The following MARCHF3 variants were observed in gnomAD, a reference collection of about 807,000 sequenced individuals.
MARCHF3 encodes the protein membrane associated ring-CH-type finger 3.
Under a neutral mutation model 24.2 loss-of-function variants are expected in MARCHF3, and 13 were observed. That is an observed-to-expected ratio of 0.54 (90% confidence interval 0.35 to 0.85). The LOEUF (loss-of-function observed/expected upper bound fraction) is 0.85. MARCHF3 is among the 40% of genes least tolerant of loss of function. The probability of loss-of-function intolerance (pLI) is 0.01; values close to 1 mark genes in which losing one functional copy is unlikely to be tolerated. For synonymous variants in MARCHF3, 144 were observed against 137.3 expected (o/e 1.05, Z -0.34); for missense variants, 276 against 325.0 (o/e 0.85, Z 1.16).
chr5:126,898,283 A>G (rs1561783808), intron 3 of MARCHF3, among the ~76,000 whole-genome samples: 1 of 152,110 alleles, frequency 6.6e-6, no homozygotes. Flanking sequence ...AAAAATCTGA[A>G]GTATCCTATA....
At chr5:126,921,234 G>A (rs563460527) in intron 1 of MARCHF3, among the ~76,000 whole-genome samples, 20 of 152,234 alleles carry the variant, frequency 1.3e-4, no homozygotes, top group Admixed American at 2.6e-4. Context: ...TTGAATTAAT[G>A]GGCTAAGAGG....
At chr5:127,004,139 A>G (rs1027607104) in intron 1 of MARCHF3, among the ~76,000 whole-genome samples, 1 of 152,228 alleles carries the variant, frequency 6.6e-6, no homozygotes, top group African/African-American at 2.4e-5. Context: ...ATTCCAAAGG[A>G]GAGCCCGTCT....
chr5:127,019,874 A>G (rs1290953141), intron 1 of MARCHF3, among the ~76,000 whole-genome samples: 1 of 152,230 alleles, frequency 6.6e-6, no homozygotes, highest in Non-Finnish European at 1.5e-5. Flanking sequence ...TCCATTTGGA[A>G]GTATCACTAA....
intron 1 of MARCHF3, among the ~76,000 whole-genome samples, chr5:126,922,844 C>T (rs1749167696): frequency 6.6e-6 from 1 of 152,170 alleles, no homozygotes; most frequent in Admixed American, 6.5e-5. Context: ...CTGCGCCCAG[C>T]CTCATTTCTG....
rs776095062 is a variant in MARCHF3 at position 126,878,242 on chromosome 5, G to A, written c.546C>T (p.Ala182=). The change falls in exon 4 of 5, where the codon GCC becomes GCT. Residue 182 remains alanine, a synonymous_variant. Coordinates refer to ENST00000308660, the MANE Select transcript of MARCHF3 (RefSeq NM_178450.5). ...CGACAGTGAGTGCAATCAGTCCGAC[G>A]GCTTCCAGCCGACTACTAAAGTGCA... The part of the protein sequence containing the change: ...DHLHFSSRLE[A]VGLIALTVAL... 5 of 1,614,252 alleles carry A rather than the reference G, an allele frequency of 3.1e-6. No homozygotes were observed. Among genetic ancestry groups the A allele is most frequent in the African/African-American group, 1.3e-5 (1 of 75,066 alleles).
intron 4 of MARCHF3, among the ~76,000 whole-genome samples, chr5:126,875,802 C>T (rs1753130203): frequency 6.6e-6 from 1 of 152,230 alleles, no homozygotes; most frequent in Admixed American, 6.5e-5. Flanking sequence ...CTGCTAGGTG[C>T]TTGCATGTAT....
chr5:126,989,583 A>G (rs540951048), intron 1 of MARCHF3, among the ~76,000 whole-genome samples: 12 of 152,156 alleles, frequency 7.9e-5, no homozygotes, highest in Non-Finnish European at 1.2e-4. Flanking sequence ...TAATAGCTCC[A>G]CAGGCAGGGG....
chr5:126,999,484 T>C (rs1299228067), intron 1 of MARCHF3, among the ~76,000 whole-genome samples: 1 of 152,188 alleles, frequency 6.6e-6, no homozygotes, highest in African/African-American at 2.4e-5. Context: ...CTCAGGCTAC[T>C]CTCTCCCTGA....
chr5:126,994,909 G>A (rs1486623214), intron 1 of MARCHF3, among the ~76,000 whole-genome samples: 1 of 152,240 alleles, frequency 6.6e-6, no homozygotes. Context: ...TCCAAAAGCT[G>A]AAGAACTTGG....
chr5:126,926,516 C>T (rs1749301223), intron 1 of MARCHF3, among the ~76,000 whole-genome samples: 1 of 152,190 alleles, frequency 6.6e-6, no homozygotes, highest in South Asian at 2.1e-4. Context: ...GACAGATGAA[C>T]TCTCTATCAT....
At chr5:126,880,285 G>A (rs1006425346) in intron 3 of MARCHF3, among the ~76,000 whole-genome samples, 6 of 152,062 alleles carry the variant, frequency 3.9e-5, no homozygotes, top group Admixed American at 6.6e-5. Context: ...CCTTAAACAC[G>A]GGCTGAAATG....
At chr5:127,021,484 T>C (rs1341172853) in intron 1 of MARCHF3, among the ~76,000 whole-genome samples, 1 of 152,234 alleles carries the variant, frequency 6.6e-6, no homozygotes, top group African/African-American at 2.4e-5. Flanking sequence ...GAAGCATTAC[T>C]TGGAAAATGG....
chr5:126,901,334 G>T (rs1032090803), intron 3 of MARCHF3, among the ~76,000 whole-genome samples: 4 of 152,162 alleles, frequency 2.6e-5, no homozygotes, highest in South Asian at 2.1e-4. Context: ...AAACTCTGGG[G>T]TGTGAACATC....
intron 3 of MARCHF3, chr5:126,914,719 G>A (rs1193070260): frequency 1.2e-5 from 7 of 594,188 alleles, no homozygotes. Context: ...AAGTGAGCTA[G>A]CAAGCTCTCC....
intron 1 of MARCHF3, among the ~76,000 whole-genome samples, chr5:126,955,110 T>C (rs533355254): frequency 8.7e-4 from 132 of 152,364 alleles, no homozygotes; most frequent in African/African-American, 3.1e-3. Flanking sequence ...AATTTATTCA[T>C]TTTCAACTGT....
chr5:127,027,145 T>C (rs1296967097), intron 1 of MARCHF3, among the ~76,000 whole-genome samples: 3 of 152,200 alleles, frequency 2.0e-5, no homozygotes, highest in Non-Finnish European at 4.4e-5. Flanking sequence ...AAATTCACAG[T>C]GCTCTCAGTG....
intron 1 of MARCHF3, among the ~76,000 whole-genome samples, chr5:126,986,667 T>C (rs1168562202): frequency 6.6e-6 from 1 of 152,180 alleles, no homozygotes; most frequent in African/African-American, 2.4e-5. Flanking sequence ...TAGAGTAATA[T>C]GTAAGGCAAA....
chr5:126,927,089 C>A (rs1749320954), intron 1 of MARCHF3, among the ~76,000 whole-genome samples: 1 of 152,142 alleles, frequency 6.6e-6, no homozygotes, highest in Non-Finnish European at 1.5e-5. Context: ...CTTTCCTTGG[C>A]CTTAGACATG....
At chr5:126,917,942 C>A in intron 2 of MARCHF3, 42 bp downstream of exon 2, 2 of 1,584,138 alleles carry the variant, frequency 1.3e-6, no homozygotes, top group Non-Finnish European at 1.7e-6. Context: ...AAAGAGTTCT[C>A]TGGATCAATT....
Sources: allele counts gnomAD v4.1 joint callset (sites outside exome capture counted in the v4.1 genomes callset), GRCh38; gene constraint gnomAD v4.1.1; transcripts MANE v1.5; gene names NCBI Gene and HGNC (gene_info 2026-07-23, HGNC 2026-07-21).